The following BRINP1 variants were observed in gnomAD, a reference collection of about 807,000 sequenced individuals.
BRINP1 encodes BMP/retinoic acid-inducible neural-specific protein 1.
A neutral mutation model predicts 72.9 loss-of-function variants in BRINP1; 17 were observed. The ratio of observed to expected loss-of-function variants is 0.23; its 90% CI spans 0.16 to 0.35. The LOEUF (loss-of-function observed/expected upper bound fraction) is 0.35, where lower values mean the gene tolerates loss of function less well. Ranked by LOEUF, BRINP1 falls within the 10% of genes least tolerant of loss-of-function variation. The pLI is 1.00. For synonymous variants in BRINP1, 418 were observed against 378.5 expected (o/e 1.10, Z -1.21); for missense variants, 850 against 1,001.6 (o/e 0.85, Z 2.04).
intron 7 of BRINP1, among the ~76,000 whole-genome samples, chr9:119,186,873 C>T (rs1458980552): frequency 6.6e-6 from 1 of 152,132 alleles, no homozygotes; most frequent in African/African-American, 2.4e-5. Context: ...GCTGTTATGT[C>T]CCACCATTCC....
chr9:119,343,249 G>A (rs1044576937), intron 1 of BRINP1, among the ~76,000 whole-genome samples: 8 of 152,172 alleles, frequency 5.3e-5, no homozygotes, highest in South Asian at 2.1e-4. Flanking sequence ...AGATTGCTCC[G>A]CACTGCCTAC....
chr9:119,291,154 C>G (rs1041129221), intron 2 of BRINP1, among the ~76,000 whole-genome samples: 1 of 151,570 alleles, frequency 6.6e-6, no homozygotes, highest in African/African-American at 2.4e-5. Flanking sequence ...GAAAAAGTTG[C>G]TCCCTCTAGG....
chr9:119,218,204 A>ATT (rs139945643), intron 5 of BRINP1, among the ~76,000 whole-genome samples: 6 of 122,972 alleles, frequency 4.9e-5, no homozygotes, highest in Admixed American at 8.2e-5. Context: ...TCAAATAAAT[A>ATT]TTTTTTTTTT....
chr9:119,365,592 G>A (rs1389109692), intron 1 of BRINP1, among the ~76,000 whole-genome samples: 1 of 152,206 alleles, frequency 6.6e-6, no homozygotes, highest in Non-Finnish European at 1.5e-5. Context: ...CACAACTGAA[G>A]GGGCCTTTGG....
chr9:119,213,932 G>A lies in BRINP1; in HGVS notation c.909C>T (p.Asp303=), dbSNP rs1256363796. 3 of 1,613,856 alleles carry A rather than the reference G, an allele frequency of 1.9e-6. No homozygotes were observed. The highest frequency in any genetic ancestry group is 2.5e-6 in the Non-Finnish European group (3 of 1,179,908). The part of the protein sequence containing the change: ...MAKSWAEAYK[D]LENSDEFKSF... Reference sequence around the variant, plus strand: ...GAGACTCTCTACCTGAATTCTCCAGGTCCTTATAAGCTTCGGCCCAAGACT... The same window carrying A: ...GAGACTCTCTACCTGAATTCTCCAGATCCTTATAAGCTTCGGCCCAAGACT... Residue 303 remains aspartate, a synonymous_variant, in exon 6 of 8, where the codon GAC becomes GAT. Transcript: ENST00000265922.
chr9:119,169,516 G>T (rs1588152158), intron 7 of BRINP1, among the ~76,000 whole-genome samples: 1 of 152,356 alleles, frequency 6.6e-6, no homozygotes, highest in South Asian at 2.1e-4. Flanking sequence ...TAGCGCAGCA[G>T]TCTGAGATCA....
intron 6 of BRINP1, among the ~76,000 whole-genome samples, chr9:119,209,999 T>G (rs1829906175): frequency 6.6e-6 from 1 of 152,240 alleles, no homozygotes; most frequent in Non-Finnish European, 1.5e-5. Context: ...TTTGTGATGC[T>G]GAGTTTCAGA....
intron 1 of BRINP1, among the ~76,000 whole-genome samples, chr9:119,360,106 C>T (rs1345413901): frequency 1.3e-5 from 2 of 152,184 alleles, no homozygotes; most frequent in African/African-American, 4.8e-5. Flanking sequence ...GATATACATT[C>T]AGAATAAAAT....
chr9:119,354,374 T>C (rs1831537723), intron 1 of BRINP1, among the ~76,000 whole-genome samples: 1 of 152,172 alleles, frequency 6.6e-6, no homozygotes, highest in South Asian at 2.1e-4. Flanking sequence ...CACAAAAATG[T>C]AATGAAGCAA....
rs550335821 is a variant in BRINP1, at chr9:119,308,966, C to T, written c.218+4172G>A. 2.5e-5 allele frequency among the ~76,000 whole-genome samples: 3 copies of T among 120,844 alleles called. No homozygotes were observed. In the South Asian group the frequency reaches 7.1e-4, roughly 29 times the overall value. The allele number at this position is 120,844 out of a possible 152,430, so 79.3% of individuals were successfully genotyped here. A position where few individuals can be genotyped will look rare whatever the true frequency, so the allele number is the denominator to read the frequency against. ...TTTACAGCAGCTACTGATGATCTCA[C>T]AGTTAGGAAAAAAAAAAACAGAAAA... On this transcript the variant is annotated intron_variant, in intron 2 of 7. Coordinates refer to ENST00000265922, the MANE Select transcript of BRINP1 (RefSeq NM_014618.3).
At chr9:119,298,690 CATG>C (rs1259413866) in intron 2 of BRINP1, among the ~76,000 whole-genome samples, 1 of 152,134 alleles carries the variant, frequency 6.6e-6, no homozygotes, top group African/African-American at 2.4e-5. Flanking sequence ...TGCTTCCTGC[CATG>C]ATTACTCCAG....
In BRINP1 at chr9:119,360,475, CTCTT is replaced by C. The variant is rs1206075751; in HGVS notation, c.-51+8577_-51+8580del. ...GTACGTACTTACGGAAGGCAGTTGT[CTCTT>C]TCACAGCTCTCTGTTTGCTCTTCTA... On this transcript the variant is annotated intron_variant, in intron 1 of 7. Coordinates refer to ENST00000265922, the MANE Select transcript of BRINP1 (RefSeq NM_014618.3). 2.0e-5 allele frequency among the ~76,000 whole-genome samples: 3 copies of C among 152,038 alleles called. No individual in the cohort carries two copies. In the East Asian group the frequency reaches 5.9e-4, roughly 30 times the overall value.
intron 1 of BRINP1, among the ~76,000 whole-genome samples, chr9:119,352,196 CATCT>C (rs1241086783): frequency 1.1e-4 from 17 of 152,326 alleles, no homozygotes; most frequent in South Asian, 6.2e-4. Flanking sequence ...GCAGAAGCTC[CATCT>C]GTCTTTACTA....
At chr9:119,248,882 G>A (rs1830349686) in intron 3 of BRINP1, 78 bp downstream of exon 3, 1 of 1,302,436 alleles carries the variant, frequency 7.7e-7, no homozygotes, top group Non-Finnish European at 1.1e-6. Flanking sequence ...AGGCTTTGCT[G>A]TTAAGACATC....
chr9:119,188,284 A>AC (rs1356333923), intron 7 of BRINP1, among the ~76,000 whole-genome samples: 2 of 152,204 alleles, frequency 1.3e-5, no homozygotes, highest in African/African-American at 4.8e-5. Flanking sequence ...AATATCAAAG[A>AC]CATCATAGAA....
chr9:119,263,899 C>CAT (rs1830521992), intron 2 of BRINP1, among the ~76,000 whole-genome samples: 1 of 152,106 alleles, frequency 6.6e-6, no homozygotes, highest in African/African-American at 2.4e-5. Context: ...TGAGCCACAG[C>CAT]GCCCGGCCAA....
intron 2 of BRINP1, among the ~76,000 whole-genome samples, chr9:119,281,665 T>C (rs1434809737): frequency 1.2e-4 from 15 of 123,314 alleles, no homozygotes; most frequent in Admixed American, 1.2e-3. Flanking sequence ...TCCTTATACA[T>C]TTACTTATGC....
chr9:119,214,934 C>T (rs1391643983), intron 5 of BRINP1, among the ~76,000 whole-genome samples: 2 of 152,100 alleles, frequency 1.3e-5, no homozygotes, highest in African/African-American at 4.8e-5. Context: ...TAGAAAATAG[C>T]TGTAGAGAGG....
intron 1 of BRINP1, among the ~76,000 whole-genome samples, chr9:119,324,952 T>C (rs1831224715): frequency 1.3e-5 from 2 of 151,896 alleles, no homozygotes; most frequent in African/African-American, 4.8e-5. Flanking sequence ...ATACAAAAAT[T>C]AGCTGGCTGT....
Sources: allele counts gnomAD v4.1 joint callset (sites outside exome capture counted in the v4.1 genomes callset), GRCh38; gene constraint gnomAD v4.1.1; transcripts MANE v1.5; gene names NCBI Gene and HGNC (gene_info 2026-07-23, HGNC 2026-07-21).